Variants in RBFOX1 observed in about 807,000 individuals in gnomAD.
RBFOX1 encodes RNA binding protein fox-1 homolog 1.
A neutral mutation model predicts 57.7 loss-of-function variants in RBFOX1; 8 were observed. That is an observed-to-expected ratio of 0.14 (90% CI 0.08 to 0.25). The LOEUF (loss-of-function observed/expected upper bound fraction) is 0.25, where lower values mean the gene tolerates loss of function less well. Ranked by LOEUF, RBFOX1 falls within the 10% of genes least tolerant of loss-of-function variation. The pLI is 1.00. For missense variants in RBFOX1, 611 were observed against 548.5 expected, an observed-to-expected ratio of 1.11 and a Z score of -1.14; for synonymous variants, 326 against 222.4, an observed-to-expected ratio of 1.47 and a Z score of -4.15.
intron 1 of RBFOX1, among the ~76,000 whole-genome samples, chr16:6,115,255 A>C (rs925922298): frequency 6.6e-6 from 1 of 152,224 alleles, no homozygotes; most frequent in Non-Finnish European, 1.5e-5. Flanking sequence ...TGTAAGAAAT[A>C]GTTGGCATAA....
chr16:5,712,542 G>A (rs1012279027), intron 3 of RBFOX1, among the ~76,000 whole-genome samples: 5 of 152,298 alleles, frequency 3.3e-5, no homozygotes, highest in Middle Eastern at 3.4e-3. Flanking sequence ...GACTGTTAGC[G>A]GCTGGTGTTC....
In RBFOX1 at chr16:5,701,764, C is replaced by T. The variant is rs575496047; in HGVS notation, c.318+102803C>T. On this transcript the variant is annotated intron_variant, in intron 3 of 19. Coordinates refer to the RBFOX1 transcript ENST00000641259. The stretch of plus-strand genomic sequence containing the variant: ...GGAGGACCTTTGATGACCATCTTAC[C>T]AGAGGCATTTTTTGTCCGTGGCATC... Among the ~76,000 whole-genome samples the T allele has an allele frequency of 3.9e-5, 6 of 152,260 alleles. No homozygotes were observed. In the South Asian group the frequency reaches 1.0e-3, roughly 26 times the overall value.
chr16:6,286,266 G>C (rs2076899880), intron 1 of RBFOX1, among the ~76,000 whole-genome samples: 1 of 152,112 alleles, frequency 6.6e-6, no homozygotes, highest in African/African-American at 2.4e-5. Flanking sequence ...GTCTCCATGT[G>C]TCTTAAATGT....
chr16:6,551,365 A>T (rs981969617), intron 2 of RBFOX1, among the ~76,000 whole-genome samples: 1 of 152,166 alleles, frequency 6.6e-6, no homozygotes, highest in Admixed American at 6.5e-5. Flanking sequence ...GTTATTCAAC[A>T]ACTGTGTGCC....
chr16:6,174,129 G>C (rs1027431002), intron 1 of RBFOX1, among the ~76,000 whole-genome samples: 6 of 152,108 alleles, frequency 3.9e-5, no homozygotes, highest in African/African-American at 1.4e-4. Context: ...TGTCTGACTT[G>C]GTTTGCACTT....
At chr16:7,098,460 G>A (rs1389126049) in intron 4 of RBFOX1, among the ~76,000 whole-genome samples, 4 of 152,114 alleles carry the variant, frequency 2.6e-5, no homozygotes, top group South Asian at 2.1e-4. Context: ...ATGAGCTACT[G>A]TGCCAGGTAG....
intron 14 of RBFOX1, among the ~76,000 whole-genome samples, 167 bp downstream of exon 14, chr16:7,677,005 G>A (rs947552733): frequency 5.3e-5 from 8 of 152,050 alleles, no homozygotes; most frequent in African/African-American, 1.9e-4. Context: ...ATAGAGAGAG[G>A]GCAAATGCTT....
chr16:5,790,129 G>A (rs543420293), intron 3 of RBFOX1, among the ~76,000 whole-genome samples: 5 of 152,358 alleles, frequency 3.3e-5, no homozygotes, highest in African/African-American at 1.2e-4. Flanking sequence ...ACCTCCAAGG[G>A]AAAAGAGTGC....
intron 4 of RBFOX1, among the ~76,000 whole-genome samples, chr16:5,877,415 C>G (rs2057641664): frequency 6.6e-6 from 1 of 152,212 alleles, no homozygotes; most frequent in Non-Finnish European, 1.5e-5. Flanking sequence ...GAAGTGGGTT[C>G]AAGGGGGAGA....
chr16:7,001,577 C>T (rs1485006999), intron 3 of RBFOX1, among the ~76,000 whole-genome samples: 1 of 152,096 alleles, frequency 6.6e-6, no homozygotes, highest in Non-Finnish European at 1.5e-5. Flanking sequence ...CTACATCAGC[C>T]TCCCGAGTAG....
intron 3 of RBFOX1, among the ~76,000 whole-genome samples, chr16:5,856,585 A>G (rs1357815537): frequency 6.2e-4 from 46 of 74,170 alleles, no homozygotes; most frequent in South Asian, 2.2e-3. Context: ...GTATATATAT[A>G]TATATATATA....
At chr16:5,412,551 A>G (rs748795939) in intron 1 of RBFOX1, among the ~76,000 whole-genome samples, 9 of 152,120 alleles carry the variant, frequency 5.9e-5, no homozygotes, top group Non-Finnish European at 8.8e-5. Flanking sequence ...TTTGCAGGTC[A>G]TTACAGTGGG....
chr16:6,094,191 CA>C (rs1396167558), intron 1 of RBFOX1, among the ~76,000 whole-genome samples: 2 of 152,272 alleles, frequency 1.3e-5, no homozygotes, highest in African/African-American at 2.4e-5. Context: ...GAGATCCTCC[CA>C]AAATGTGCTT....
intron 13 of RBFOX1, among the ~76,000 whole-genome samples, chr16:7,673,590 C>G (rs554033488): frequency 1.3e-5 from 2 of 152,212 alleles, no homozygotes; most frequent in African/African-American, 4.8e-5. Context: ...ATTTGAGGTG[C>G]TTAATGGGTA....
chr16:5,739,574 T>G (rs929468), intron 3 of RBFOX1, among the ~76,000 whole-genome samples: 42,301 of 152,162 alleles, frequency 0.28, 6,396 homozygotes, highest in East Asian at 0.58. Flanking sequence ...ATAGAGAAAA[T>G]AAATTTTTCA....
At chr16:6,762,254 G>T (rs888292701) in intron 3 of RBFOX1, among the ~76,000 whole-genome samples, 9 of 152,124 alleles carry the variant, frequency 5.9e-5, no homozygotes, top group African/African-American at 2.2e-4. Flanking sequence ...AGAGTGATAG[G>T]TTATATATGT....
chr16:5,846,173 C>T (rs1225840628), intron 3 of RBFOX1, among the ~76,000 whole-genome samples: 1 of 146,662 alleles, frequency 6.8e-6, no homozygotes, highest in African/African-American at 2.5e-5. Context: ...CAGAGTGAGG[C>T]ACTGTCTTAA....
intron 3 of RBFOX1, among the ~76,000 whole-genome samples, chr16:6,948,235 C>T (rs567380288): frequency 3.3e-5 from 5 of 151,958 alleles, no homozygotes; most frequent in African/African-American, 9.6e-5. Context: ...CATTCAAGAC[C>T]AGCCTGGGCA....
chr16:7,630,830 C>G, intron 11 of RBFOX1, 147 bp downstream of exon 11: 3 of 1,440,532 alleles, frequency 2.1e-6, no homozygotes, highest in Non-Finnish European at 2.7e-6. Flanking sequence ...ATAAGCATGT[C>G]TGTCTCCCAT....
Sources: gnomAD v4.1 joint callset for allele counts (sites outside exome capture counted in the v4.1 genomes callset) on GRCh38, gnomAD v4.1.1 for gene constraint, MANE v1.5 for transcripts, NCBI Gene and HGNC (gene_info 2026-07-23, HGNC 2026-07-21) for gene names.